The following ZNF483 variants were observed in gnomAD, a reference collection of about 807,000 sequenced individuals.
ZNF483 encodes the protein zinc finger protein 483, also known as zinc finger protein HIT-10.
Under a neutral mutation model 28.6 loss-of-function variants are expected in ZNF483, and 9 were observed. That is an observed-to-expected ratio of 0.32 (90% CI 0.19 to 0.55). The LOEUF (loss-of-function observed/expected upper bound fraction) is 0.55, where lower values mean the gene tolerates loss of function less well. Ranked by LOEUF, ZNF483 falls within the 20% of genes least tolerant of loss-of-function variation. The probability of loss-of-function intolerance (pLI) is 0.93; values close to 1 mark genes in which losing one functional copy is unlikely to be tolerated. For synonymous variants in ZNF483, 322 were observed against 306.2 expected (o/e 1.05, Z -0.54); for missense variants, 675 against 871.7 (o/e 0.77, Z 2.84).
Position 111,547,868 on chromosome 9 carries a change from T to G in ZNF483, c.*4698T>G, listed in dbSNP as rs1367283028. Among the ~76,000 whole-genome samples, 2 of 152,180 alleles carry G rather than the reference T, an allele frequency of 1.3e-5. No individual in the cohort carries two copies. Among genetic ancestry groups the G allele is most frequent in the Non-Finnish European group, 2.9e-5 (2 of 68,012 alleles). On this transcript the variant is annotated 3_prime_UTR_variant, in exon 6 of 6. Transcript: ENST00000309235. ...CGAATATCCAGTTTTCCCAGCCCCA[T>G]CTGTTGAAGAGACTATCCTTTCCAC...
At position 111,527,347 on chromosome 9, in the gene ZNF483, G is replaced by C; in HGVS notation, c.-49G>C. 6.3e-7 allele frequency: 1 copy of C among 1,584,228 alleles called. No homozygotes were observed. The highest frequency in any genetic ancestry group is 8.6e-7 in the Non-Finnish European group (1 of 1,164,556). ...ATAGTGCCTGTTGGTGGACTGTACT[G>C]ATACTCAACTAGAGTGTGAAGGGAC... On this transcript the variant is annotated 5_prime_UTR_variant, in exon 2 of 6. Transcript: ENST00000309235.
chr9:111,560,145 A>G (rs1288842323), downstream of ZNF483, among the ~76,000 whole-genome samples: 1 of 151,802 alleles, frequency 6.6e-6, no homozygotes, highest in East Asian at 2.0e-4. Flanking sequence ...CAGGAGGTCG[A>G]GACCAGCCTG....
At chr9:111,569,244 G>C (rs1828704663) in intron 5 of ZNF483, among the ~76,000 whole-genome samples, 1 of 152,154 alleles carries the variant, frequency 6.6e-6, no homozygotes, top group South Asian at 2.1e-4. Context: ...AGCGTAGATA[G>C]AGAAGAGCAA....
rs1272304502 is a variant in ZNF483, at chr9:111,554,090, AT to A, written c.*10921del. ...CAAGGTTTCCCATTCCACTCTAGAG[AT>A]CTCACACAGGCTTCCCAGGATATTT... On this transcript the variant is annotated 3_prime_UTR_variant, in exon 6 of 6. Coordinates refer to ENST00000309235, the MANE Select transcript of ZNF483 (RefSeq NM_133464.5). 6.6e-6 allele frequency among the ~76,000 whole-genome samples: 1 copy of A among 152,170 alleles called. No homozygotes were observed. The highest frequency in any genetic ancestry group is 1.9e-4 in the East Asian group (1 of 5,202).
chr9:111,537,711 C>T (rs1589272909), intron 5 of ZNF483, among the ~76,000 whole-genome samples: 1 of 152,192 alleles, frequency 6.6e-6, no homozygotes, highest in African/African-American at 2.4e-5. Context: ...ACTACAGCCT[C>T]CACCTCCTGG....
At chr9:111,567,999 A>G (rs1296513264) in intron 5 of ZNF483, among the ~76,000 whole-genome samples, 7 of 152,222 alleles carry the variant, frequency 4.6e-5, no homozygotes, top group African/African-American at 1.7e-4. Context: ...TCACCTCAGG[A>G]CCACTGTGAT....
rs562861398 is a variant in ZNF483 at position 111,552,229 on chromosome 9, C to A, written c.*9059C>A. 3.3e-5 allele frequency among the ~76,000 whole-genome samples: 5 copies of A among 152,078 alleles called. No individual in the cohort carries two copies. The highest frequency in any genetic ancestry group is 1.9e-4 in the East Asian group (1 of 5,184). ...TAGTACAGGAAATCCTTATAAAATT[C>A]TTTTGTAAGTCATCCAGGTAACATT... On this transcript the variant is annotated 3_prime_UTR_variant, in exon 6 of 6. Coordinates refer to ENST00000309235, the MANE Select transcript of ZNF483 (RefSeq NM_133464.5).
At position 111,543,194 on chromosome 9, in the gene ZNF483, G is replaced by C. The variant is rs1453626654; in HGVS notation, c.*24G>C. The C allele has an allele frequency of 6.4e-7, 1 of 1,556,676 alleles. No homozygotes were observed. The highest frequency in any genetic ancestry group is 1.2e-5 in the South Asian group (1 of 81,182). On this transcript the variant is annotated 3_prime_UTR_variant, in exon 6 of 6. Coordinates refer to ENST00000309235, the MANE Select transcript of ZNF483 (RefSeq NM_133464.5). Reference sequence around the variant, plus strand: ...AATCCTGGAACTACATTAAAGTGGGGGGAATTTAATTCAAATTGTCAGTTA... The same window carrying C: ...AATCCTGGAACTACATTAAAGTGGGCGGAATTTAATTCAAATTGTCAGTTA...
downstream of ZNF483, among the ~76,000 whole-genome samples, chr9:111,559,501 A>G (rs980567781): frequency 6.6e-6 from 1 of 151,976 alleles, no homozygotes; most frequent in Non-Finnish European, 1.5e-5. Context: ...GACTCAAGCC[A>G]TGTTCATTTT....
At chr9:111,576,558 T>A (rs1829063634) in exon 6 of ZNF483, 1 of 1,014,104 alleles carries the variant, frequency 9.9e-7, no homozygotes, top group African/African-American at 1.6e-5. Context: ...GCTAGTGGAG[T>A]GGCCATAGGC....
intron 5 of ZNF483, among the ~76,000 whole-genome samples, chr9:111,536,709 C>G (rs1418985589): frequency 3.3e-5 from 5 of 151,976 alleles, no homozygotes. Context: ...GACCGCACCC[C>G]CCCCGCCCCC....
rs1406576574 is a variant in ZNF483, at chr9:111,545,327, A to G, written c.*2157A>G. 6.6e-6 allele frequency among the ~76,000 whole-genome samples: 1 copy of G among 152,210 alleles called. No individual in the cohort carries two copies. Among genetic ancestry groups the G allele is most frequent in the Non-Finnish European group, 1.5e-5 (1 of 68,038 alleles). On this transcript the variant is annotated 3_prime_UTR_variant, in exon 6 of 6. Coordinates refer to ENST00000309235, the MANE Select transcript of ZNF483 (RefSeq NM_133464.5). ...AAGTCTTCAGAAGAGGCTTGTTCCA[A>G]GATGATTACTCTTAGACTCCCTAAC...
exon 6 of ZNF483, chr9:111,577,830 G>A (rs187666853): frequency 1.3e-5 from 2 of 152,290 alleles, no homozygotes; most frequent in East Asian, 3.9e-4. Context: ...AGGTGACAGA[G>A]TGAGATCCTG....
chr9:111,560,857 C>T (rs141648755), intron 5 of ZNF483, among the ~76,000 whole-genome samples: 127 of 145,948 alleles, frequency 8.7e-4, no homozygotes, highest in African/African-American at 3.1e-3. Flanking sequence ...GCAGGAGAAT[C>T]GCTTGAAGCC....
chr9:111,554,542 G>A lies in ZNF483; in HGVS notation c.*11372G>A, dbSNP rs1343566069. ...GAGTGGATGCCTGCAACCTCAGATA[G>A]TACCAAACCCTGTATGTTCTATGTT... On this transcript the variant is annotated 3_prime_UTR_variant, in exon 6 of 6. Transcript: ENST00000309235. Among the ~76,000 whole-genome samples, 1 of 152,142 alleles carries A rather than the reference G, an allele frequency of 6.6e-6. No homozygotes were observed. Among genetic ancestry groups the A allele is most frequent in the African/African-American group, 2.4e-5 (1 of 41,428 alleles).
chr9:111,534,197 T>A, intron 4 of ZNF483, 64 bp from the exon 5 acceptor site: 1 of 1,355,002 alleles, frequency 7.4e-7, no homozygotes, highest in Non-Finnish European at 1.1e-6. Context: ...AGGCTATATG[T>A]GAATGCTGGG....
intron 3 of ZNF483, among the ~76,000 whole-genome samples, chr9:111,531,844 G>A (rs1827354987): frequency 6.6e-6 from 1 of 152,176 alleles, no homozygotes; most frequent in African/African-American, 2.4e-5. Flanking sequence ...ACTGTGCCCA[G>A]CTCATTTTAA....
rs891767704 is a variant in ZNF483 at position 111,549,295 on chromosome 9, T to C, written c.*6125T>C. The stretch of plus-strand genomic sequence containing the variant: ...CTGAAAACACACTGTCAAAATGCTT[T>C]TCATAAAATGTAGCACATTTTAGGG... On this transcript the variant is annotated 3_prime_UTR_variant, in exon 6 of 6. Transcript: ENST00000309235. Among the ~76,000 whole-genome samples, 3 of 152,240 alleles carry C rather than the reference T, an allele frequency of 2.0e-5. No homozygotes were observed. The highest frequency in any genetic ancestry group is 2.9e-5 in the Non-Finnish European group (2 of 68,036).
chr9:111,570,195 T>A, intron 5 of ZNF483: 1 of 1,613,596 alleles, frequency 6.2e-7, no homozygotes, highest in Non-Finnish European at 8.5e-7. Context: ...TAGATAACAA[T>A]CTCTGGGGGT....
Sources: gnomAD v4.1 joint callset for allele counts (sites outside exome capture counted in the v4.1 genomes callset) on GRCh38, gnomAD v4.1.1 for gene constraint, MANE v1.5 for transcripts, NCBI Gene and HGNC (gene_info 2026-07-23, HGNC 2026-07-21) for gene names.